RAB5B: variants seen among roughly 807,000 people sequenced by gnomAD.
The protein encoded by RAB5B is ras-related protein Rab-5B.
A neutral mutation model predicts 28.6 loss-of-function variants in RAB5B; 11 were observed. The observed-to-expected ratio is 0.38, with a 90% confidence interval of 0.24 to 0.64. The LOEUF is 0.64. Ranked by LOEUF, RAB5B falls within the 30% of genes least tolerant of loss-of-function variation. The pLI is 0.53. For synonymous variants in RAB5B, 93 were observed against 97.9 expected (o/e 0.95, Z 0.29); for missense variants, 169 against 265.6 (o/e 0.64, Z 2.53).
intron 1 of RAB5B, chr12:55,980,311 C>G: frequency 1.3e-6 from 1 of 794,644 alleles, no homozygotes; most frequent in South Asian, 1.5e-5. Context: ...TTCTCTTTAC[C>G]ATCTACCTAT....
intron 1 of RAB5B, among the ~76,000 whole-genome samples, chr12:55,979,796 A>C (rs1464343131): frequency 6.6e-6 from 1 of 152,146 alleles, no homozygotes; most frequent in Non-Finnish European, 1.5e-5. Flanking sequence ...TAAGCTCTCG[A>C]TCCTGTCCTG....
chr12:55,992,063 A>G, intron 5 of RAB5B, 34 bp from the exon 6 acceptor site: 4 of 1,555,790 alleles, frequency 2.6e-6, no homozygotes, highest in South Asian at 1.1e-5. Context: ...AGTAAAGTCT[A>G]CCATACTTTG....
chr12:55,991,666 C>T, intron 5 of RAB5B: 1 of 504,746 alleles, frequency 2.0e-6, no homozygotes, highest in South Asian at 2.1e-5. Flanking sequence ...TGGTGGCTAA[C>T]ACCTGTAATC....
intron 3 of RAB5B, 131 bp from the exon 4 acceptor site, chr12:55,990,551 A>T: frequency 8.3e-7 from 1 of 1,201,828 alleles, no homozygotes; most frequent in South Asian, 1.4e-5. Context: ...CAGATAATGA[A>T]TTATCAGAGA....
Position 55,996,004 on chromosome 12 carries a change from T to TATA in RAB5B, c.*3792_*3793insATA, listed in dbSNP as rs1555197305. ...ATATACATATATATATATATATATA[T>TATA]TTTTTTTTTAACAACTGGTAGGATA... is the stretch of plus-strand genomic sequence containing the variant. On this transcript the variant is annotated 3_prime_UTR_variant, in exon 6 of 6. Coordinates refer to ENST00000360299, the MANE Select transcript of RAB5B (RefSeq NM_002868.4). 20 of 79,876 alleles carry TATA rather than the reference T, an allele frequency of 2.5e-4. No homozygotes were observed. Among genetic ancestry groups the TATA allele is most frequent in the South Asian group, 1.3e-3 (4 of 2,972 alleles). 4.9% of individuals were successfully genotyped at this position (79,876 alleles called of 1,614,324 possible).
Position 55,984,622 on chromosome 12 carries a change from A to G in RAB5B, c.-92-2247A>G, listed in dbSNP as rs557738481. ...CTCTGGAGTAGCTGGGATTACAGGTATGCACCACCACACCCAGCTAATTTT... is the reference window on the plus strand; with the variant it reads ...CTCTGGAGTAGCTGGGATTACAGGTGTGCACCACCACACCCAGCTAATTTT... On this transcript the variant is annotated intron_variant, in intron 1 of 5. Coordinates refer to ENST00000360299, the MANE Select transcript of RAB5B (RefSeq NM_002868.4). 1.1e-4 allele frequency among the ~76,000 whole-genome samples: 16 copies of G among 151,806 alleles called. No homozygotes were observed. In the South Asian group the frequency reaches 2.1e-3, roughly 20 times the overall value.
At chr12:55,987,919 G>T (rs934846544) in intron 2 of RAB5B, among the ~76,000 whole-genome samples, 14 of 151,748 alleles carry the variant, frequency 9.2e-5, no homozygotes, top group Non-Finnish European at 2.9e-5. Flanking sequence ...GGCCAAGGCA[G>T]GCGGATCACT....
chr12:55,975,530 C>G (rs2136467757), intron 1 of RAB5B, among the ~76,000 whole-genome samples: 1 of 151,986 alleles, frequency 6.6e-6, no homozygotes, highest in Middle Eastern at 3.4e-3. Context: ...AGGAGGATCA[C>G]TTGAGCCCGG....
chr12:55,996,332 T>C lies in RAB5B; in HGVS notation c.*4120T>C, dbSNP rs547844925. The C allele has an allele frequency of 6.6e-6, 1 of 152,050 alleles. No individual in the cohort carries two copies. The highest frequency in any genetic ancestry group is 1.5e-5 in the Non-Finnish European group (1 of 68,006). The allele number at this position is 152,050 out of a possible 1,614,324, so 9.4% of individuals were successfully genotyped here. ...CAGTGTATGGATACATTTGTCCAGATTGGGGGACTAGGTTTGATAAATTTT... is the reference window on the plus strand; with the variant it reads ...CAGTGTATGGATACATTTGTCCAGACTGGGGGACTAGGTTTGATAAATTTT... On this transcript the variant is annotated 3_prime_UTR_variant, in exon 6 of 6. Transcript: ENST00000360299.
intron 1 of RAB5B, among the ~76,000 whole-genome samples, chr12:55,984,141 C>T (rs1889886813): frequency 6.6e-6 from 1 of 151,910 alleles, no homozygotes; most frequent in Admixed American, 6.6e-5. Context: ...GCCTCAGCCT[C>T]CCGAGTAGGA....
rs1401742305 is a variant in RAB5B at position 55,993,796 on chromosome 12, T to G, written c.*1584T>G. 1 of 152,572 alleles carries G rather than the reference T, an allele frequency of 6.6e-6. No homozygotes were observed. Among genetic ancestry groups the G allele is most frequent in the African/African-American group, 2.4e-5 (1 of 41,428 alleles). The allele number at this position is 152,572 out of a possible 1,614,324, so 9.5% of individuals were successfully genotyped here. On this transcript the variant is annotated 3_prime_UTR_variant, in exon 6 of 6. Coordinates refer to ENST00000360299, the MANE Select transcript of RAB5B (RefSeq NM_002868.4). ...TGGTGCCCTCGTATCATACCACCTG[T>G]TCCTGTGGAGAGGGAATGACCGGCA...
rs1293760482 is a variant in RAB5B, at chr12:55,995,995, A to ATTT, written c.*3784_*3785insTTT. On this transcript the variant is annotated 3_prime_UTR_variant, in exon 6 of 6. Coordinates refer to ENST00000360299, the MANE Select transcript of RAB5B (RefSeq NM_002868.4). ...TCCATATATATATACATATATATAT[A>ATTT]TATATATATTTTTTTTTTAACAACT... 931 of 103,798 alleles carry ATTT rather than the reference A, an allele frequency of 9.0e-3. 7 individuals carry two copies. The highest frequency in any genetic ancestry group is 0.016 in the African/African-American group (310 of 19,290). The allele number at this position is 103,798 out of a possible 1,614,324, so 6.4% of individuals were successfully genotyped here.
Position 55,996,003 on chromosome 12 carries a change from A to ATATATATATATTTTTTTTTTTTTTTT in RAB5B, c.*3792_*3793insATATATATATTTTTTTTTTTTTTTTT. 4.1e-5 allele frequency: 4 copies of ATATATATATATTTTTTTTTTTTTTTT among 97,406 alleles called. No homozygotes were observed. Among genetic ancestry groups the ATATATATATATTTTTTTTTTTTTTTT allele is most frequent in the African/African-American group, 1.9e-4 (4 of 21,148 alleles). The allele number at this position is 97,406 out of a possible 1,614,324, so 6.0% of individuals were successfully genotyped here. ...TATATACATATATATATATATATATATTTTTTTTTTAACAACTGGTAGGAT... is the reference window on the plus strand; with the variant it reads ...TATATACATATATATATATATATATATATATATATATTTTTTTTTTTTTTTTTTTTTTTTTTAACAACTGGTAGGAT... On this transcript the variant is annotated 3_prime_UTR_variant, in exon 6 of 6. Transcript: ENST00000360299.
intron 5 of RAB5B, 111 bp downstream of exon 5, chr12:55,991,564 T>A: frequency 1.2e-6 from 1 of 803,912 alleles, no homozygotes; most frequent in Non-Finnish European, 2.1e-6. Flanking sequence ...AAACTTTAGG[T>A]ATGGAAATAC....
chr12:55,992,363 T>A lies in RAB5B; in HGVS notation c.*151T>A. ...TCCTGACAGCTCCGTCATGGCACTTTTTAACGCTTCAGCAACAAACACCAG... is the reference window on the plus strand; with the variant it reads ...TCCTGACAGCTCCGTCATGGCACTTATTAACGCTTCAGCAACAAACACCAG... On this transcript the variant is annotated 3_prime_UTR_variant, in exon 6 of 6. Coordinates refer to ENST00000360299, the MANE Select transcript of RAB5B (RefSeq NM_002868.4). 1.4e-6 allele frequency: 1 copy of A among 722,806 alleles called. No individual in the cohort carries two copies. Among genetic ancestry groups the A allele is most frequent in the South Asian group, 1.6e-5 (1 of 64,292 alleles). The allele number at this position is 722,806 out of a possible 1,614,324, so 44.8% of individuals were successfully genotyped here.
intron 1 of RAB5B, chr12:55,985,808 G>A: frequency 2.2e-6 from 1 of 445,730 alleles, no homozygotes. Flanking sequence ...CTAGGCACCA[G>A]CAAGACAGCT....
chr12:55,985,629 G>A (rs1889931286), intron 1 of RAB5B: 1 of 451,052 alleles, frequency 2.2e-6, no homozygotes. Flanking sequence ...AGAAGATAGA[G>A]GAGCTGATTC....
intron 1 of RAB5B, chr12:55,985,583 G>T (rs1387849926): frequency 5.0e-6 from 2 of 396,380 alleles, no homozygotes; most frequent in Non-Finnish European, 5.1e-6. Flanking sequence ...TCTTCTCTCT[G>T]TTCCCTGCCC....
intron 1 of RAB5B, chr12:55,985,801 G>A: frequency 2.2e-6 from 1 of 450,368 alleles, no homozygotes; most frequent in East Asian, 7.0e-5. Context: ...CTAATCCCTA[G>A]GCACCAGCAA....
Sources: allele counts gnomAD v4.1 joint callset (sites outside exome capture counted in the v4.1 genomes callset), GRCh38; gene constraint gnomAD v4.1.1; transcripts MANE v1.5; gene names NCBI Gene and HGNC (gene_info 2026-07-23, HGNC 2026-07-21).